The following CDH10 variants were observed in gnomAD, a reference collection of about 807,000 sequenced individuals.
CDH10 encodes the protein cadherin 10.
In CDH10, 30 loss-of-function variants were observed where a neutral mutation model predicts 73.1. That is an observed-to-expected ratio of 0.41 (90% CI 0.31 to 0.56). The LOEUF (loss-of-function observed/expected upper bound fraction) is 0.56. Among genes scored for constraint, CDH10 ranks in the 20% least tolerant of loss-of-function variants. CDH10 has a pLI of 0.27. For missense variants in CDH10, 815 were observed against 973.7 expected, an observed-to-expected ratio of 0.84 and a Z score of 2.17; for synonymous variants, 345 against 348.2, an observed-to-expected ratio of 0.99 and a Z score of 0.10.
In CDH10 at chr5:24,570,103, G is replaced by C. The variant is rs570267872; in HGVS notation, c.231+23157C>G. Among the ~76,000 whole-genome samples the C allele has an allele frequency of 5.1e-4, 77 of 152,160 alleles. 1 individual carries two copies. The highest frequency in any genetic ancestry group is 1.8e-3 in the African/African-American group (75 of 41,488). ...TTTTCTATGAGATTTGTTTTTGTCTGAAATTGGTCCAATTTTCTGTTAAAT... is the reference window on the plus strand; with the variant it reads ...TTTTCTATGAGATTTGTTTTTGTCTCAAATTGGTCCAATTTTCTGTTAAAT... On this transcript the variant is annotated intron_variant, in intron 2 of 11. Transcript: ENST00000264463.
intron 1 of CDH10, among the ~76,000 whole-genome samples, chr5:24,614,675 C>A (rs1440645496): frequency 6.6e-6 from 1 of 152,054 alleles, no homozygotes; most frequent in East Asian, 1.9e-4. Context: ...GTAAACAGAA[C>A]CAGTGACAAT....
At chr5:24,516,829 T>C (rs1743125897) in intron 5 of CDH10, among the ~76,000 whole-genome samples, 1 of 151,634 alleles carries the variant, frequency 6.6e-6, no homozygotes, top group African/African-American at 2.4e-5. Flanking sequence ...CAAGTTTCCA[T>C]ATATGCCTGG....
At chr5:24,595,902 T>A (rs1251238993) in intron 1 of CDH10, among the ~76,000 whole-genome samples, 3 of 151,956 alleles carry the variant, frequency 2.0e-5, no homozygotes, top group Non-Finnish European at 4.4e-5. Flanking sequence ...TGCTATTGAA[T>A]AATTGGACCC....
Position 24,535,277 on chromosome 5 carries a change from T to C in CDH10, c.649A>G (p.Ile217Val), listed in dbSNP as rs754806572. ...ATGTTCGGTAAAGCAGTCCTGATGA[T>C]ACCTTGAGAAAATATAAAAAAACTT... ...PYFSVEPETG[I>V]IRTALPNMNR... The change falls in exon 5 of 12, where the codon ATC becomes GTC. Residue 217 changes from isoleucine (I) to valine (V), a missense_variant and splice_region_variant. By Grantham distance (29) the Ile-to-Val change is conservative. Transcript: ENST00000264463. 9.4e-6 allele frequency: 15 copies of C among 1,603,652 alleles called. No individual in the cohort carries two copies. In the East Asian group the frequency reaches 1.1e-4, roughly 12 times the overall value.
chr5:24,575,976 T>C (rs992685021), intron 2 of CDH10, among the ~76,000 whole-genome samples: 1 of 152,180 alleles, frequency 6.6e-6, no homozygotes, highest in Admixed American at 6.5e-5. Context: ...TTACTGTTTG[T>C]TACCTATTGT....
chr5:24,631,367 G>A (rs1442697345), intron 1 of CDH10, among the ~76,000 whole-genome samples: 1 of 151,954 alleles, frequency 6.6e-6, no homozygotes, highest in East Asian at 1.9e-4. Context: ...ATTGCCTAAC[G>A]TGTTGCCTTC....
At position 24,535,251 on chromosome 5, in the gene CDH10, C is replaced by T. The variant is rs1404772904; in HGVS notation, c.675G>A (p.Met225Ile). 1.2e-6 allele frequency: 2 copies of T among 1,612,924 alleles called. No homozygotes were observed. The highest frequency in any genetic ancestry group is 1.7e-6 in the Non-Finnish European group (2 of 1,179,494). The change falls in exon 5 of 12, where the codon ATG becomes ATA. Residue 225 changes from methionine to isoleucine, a missense_variant. Around this residue, in one of 3 missense-constraint regions of CDH10, gnomAD observed 516 missense variants for 636.6 expected, o/e 0.81. Transcript: ENST00000264463. ...TGIIRTALPN[M>I]NRENREQYQV... ...GGTATTGCTCTCTGTTTTCTCTGTT[C>T]ATGTTCGGTAAAGCAGTCCTGATGA...
At chr5:24,511,245 G>A (rs901770717) in intron 6 of CDH10, 82 bp downstream of exon 6, 1 of 818,760 alleles carries the variant, frequency 1.2e-6, no homozygotes, top group Non-Finnish European at 2.0e-6. Flanking sequence ...ATTTCCCAAT[G>A]GATCATTCAT....
At chr5:24,636,629 C>T (rs561704221) in intron 1 of CDH10, among the ~76,000 whole-genome samples, 6 of 151,768 alleles carry the variant, frequency 4.0e-5, no homozygotes, top group Non-Finnish European at 7.4e-5. Context: ...CACAATACAC[C>T]TATATAACAA....
intron 8 of CDH10, among the ~76,000 whole-genome samples, chr5:24,504,680 C>A (rs1011479345): frequency 2.0e-5 from 3 of 151,892 alleles, no homozygotes; most frequent in Non-Finnish European, 4.4e-5. Flanking sequence ...CGCCCGCCAC[C>A]ATGCCCGGCT....
rs1312404201 is a variant in CDH10, at chr5:24,644,910, G to A, written c.-440C>T. On this transcript the variant is annotated 5_prime_UTR_variant, in exon 1 of 12. Coordinates refer to ENST00000264463, the MANE Select transcript of CDH10 (RefSeq NM_006727.5). ...GAAAGGTTCTGCTGATAGAGCTGCA[G>A]CACTCGCCATGGGAAGGTTAGAGAC... is the stretch of plus-strand genomic sequence containing the variant. 1.3e-5 allele frequency: 2 copies of A among 152,026 alleles called. No homozygotes were observed. Among genetic ancestry groups the A allele is most frequent in the South Asian group, 2.1e-4 (1 of 4,818 alleles). 9.4% of individuals were successfully genotyped at this position (152,026 alleles called of 1,614,324 possible).
intron 1 of CDH10, among the ~76,000 whole-genome samples, chr5:24,631,124 G>T (rs572749977): frequency 5.0e-4 from 76 of 152,184 alleles, no homozygotes; most frequent in African/African-American, 1.8e-3. Context: ...TGTACCCAGG[G>T]TAAATACTGA....
chr5:24,587,935 G>A (rs572578694), intron 2 of CDH10, among the ~76,000 whole-genome samples: 6 of 152,242 alleles, frequency 3.9e-5, no homozygotes, highest in South Asian at 2.1e-4. Context: ...CATTGTATGC[G>A]TTTTGAGAAT....
chr5:24,580,050 T>A (rs1260048607), intron 2 of CDH10, among the ~76,000 whole-genome samples: 2 of 152,082 alleles, frequency 1.3e-5, no homozygotes, highest in East Asian at 3.9e-4. Flanking sequence ...GACTTAGGAG[T>A]CATCCTTAAC....
rs1579472669 is a variant in CDH10 at position 24,614,495 on chromosome 5, G to A, written c.-123-20882C>T. On this transcript the variant is annotated intron_variant, in intron 1 of 11. Transcript: ENST00000264463. The stretch of plus-strand genomic sequence containing the variant: ...TGATGTGCATATTAAATAATAGCAG[G>A]CTGATAAATTAAGTATTTGAGGAAA... Among the ~76,000 whole-genome samples, 3 of 152,282 alleles carry A rather than the reference G, an allele frequency of 2.0e-5. No homozygotes were observed. In the South Asian group the frequency reaches 6.2e-4, roughly 32 times the overall value.
chr5:24,618,606 T>C (rs963229294), intron 1 of CDH10, among the ~76,000 whole-genome samples: 90 of 152,216 alleles, frequency 5.9e-4, no homozygotes, highest in African/African-American at 2.2e-3. Context: ...AAACAAGTAC[T>C]GGTTCTAGCC....
chr5:24,512,739 T>C (rs192851987), intron 5 of CDH10, among the ~76,000 whole-genome samples: 118 of 152,300 alleles, frequency 7.7e-4, no homozygotes, highest in African/African-American at 2.7e-3. Flanking sequence ...ATAAACTACA[T>C]ATTTCTGATG....
At chr5:24,598,525 G>A (rs978983778) in intron 1 of CDH10, among the ~76,000 whole-genome samples, 2 of 148,116 alleles carry the variant, frequency 1.4e-5, no homozygotes, top group Non-Finnish European at 3.0e-5. Context: ...AAAGAAACTT[G>A]CTTTGTTGTT....
intron 1 of CDH10, among the ~76,000 whole-genome samples, chr5:24,628,786 G>GCT (rs2112189185): frequency 6.6e-6 from 1 of 151,362 alleles, no homozygotes; most frequent in African/African-American, 2.4e-5. Flanking sequence ...TCCTGCCTTT[G>GCT]CTCACAGAAA....
Sources: allele counts gnomAD v4.1 joint callset (sites outside exome capture counted in the v4.1 genomes callset), GRCh38; gene constraint gnomAD v4.1.1; regional missense constraint gnomAD v4.1.1; transcripts MANE v1.5; gene names NCBI Gene and HGNC (gene_info 2026-07-23, HGNC 2026-07-21).